The following NCAM1 variants were observed in gnomAD, a reference collection of about 807,000 sequenced individuals.
NCAM1 encodes neural cell adhesion molecule 1.
NCAM1 carries 14 observed loss-of-function variants against 109.8 expected under a neutral mutation model. That is an observed-to-expected ratio of 0.13 (90% CI 0.08 to 0.20). The LOEUF is 0.20. Among genes scored for constraint, NCAM1 ranks in the 10% least tolerant of loss-of-function variants. The pLI is 1.00. For missense variants in NCAM1, 774 were observed against 1,109.9 expected (o/e 0.70, Z 4.30); for synonymous variants, 418 against 442.9 (o/e 0.94, Z 0.70).
chr11:112,984,320 C>G (rs373243452), intron 1 of NCAM1, among the ~76,000 whole-genome samples: 2 of 151,808 alleles, frequency 1.3e-5, no homozygotes, highest in East Asian at 1.9e-4. Flanking sequence ...TTTTCTGTAA[C>G]TTGGCTATTG....
rs1392758189 is a variant in NCAM1, at chr11:112,973,601, G to A, written c.52+11937G>A. On this transcript the variant is annotated intron_variant, in intron 1 of 19. Coordinates refer to ENST00000316851, the MANE Select transcript of NCAM1 (RefSeq NM_181351.5). ...TTGAGCCAGTTATTTAATCTCCAAC[G>A]GTCAGTTTATTTATCTGTGAATCAG... Among the ~76,000 whole-genome samples, 17 of 151,952 alleles carry A rather than the reference G, an allele frequency of 1.1e-4. 1 individual carries two copies. Among genetic ancestry groups the A allele is most frequent in the East Asian group, 7.7e-4 (4 of 5,174 alleles).
At position 112,963,686 on chromosome 11, in the gene NCAM1, G is replaced by GC. The variant is rs1950639219; in HGVS notation, c.52+2027dup. Among the ~76,000 whole-genome samples, 1 of 152,194 alleles carries GC rather than the reference G, an allele frequency of 6.6e-6. No homozygotes were observed. Among genetic ancestry groups the GC allele is most frequent in the Admixed American group, 6.5e-5 (1 of 15,290 alleles). ...AGGGGGGTGTTTTTGAGACATCCTC[G>GC]CCCCCGGGTGGGAGCGTGACAATGG... On this transcript the variant is annotated intron_variant, in intron 1 of 19. Coordinates refer to ENST00000316851, the MANE Select transcript of NCAM1 (RefSeq NM_181351.5). This position sits in a 1 kb window ranked among gnomAD's most constrained non-coding sequence, Gnocchi z 4.6.
At chr11:113,185,068 T>TTTTATATATATATATATATATA (rs1555108651) in intron 1 of NCAM1, among the ~76,000 whole-genome samples, 4 of 99,634 alleles carry the variant, frequency 4.0e-5, no homozygotes, top group African/African-American at 1.7e-4. Flanking sequence ...GCATTTATAT[T>TTTTATATATATATATATATATA]TATATATATA....
At position 113,178,152 on chromosome 11, in the gene NCAM1, C is replaced by A. The variant is rs141432814; in HGVS notation, c.53-24227C>A. On this transcript the variant is annotated intron_variant, in intron 1 of 19. Coordinates refer to ENST00000316851, the MANE Select transcript of NCAM1 (RefSeq NM_181351.5). Reference sequence around the variant, plus strand: ...CAAATTTCCTACTTTCTTCTTTGCCCCATTCTCCGGGTGCTTCCATTTTAG... The same window carrying A: ...CAAATTTCCTACTTTCTTCTTTGCCACATTCTCCGGGTGCTTCCATTTTAG... 2.7e-3 allele frequency among the ~76,000 whole-genome samples: 407 copies of A among 152,212 alleles called. 2 individuals are homozygous for A. The highest frequency in any genetic ancestry group is 4.4e-3 in the Non-Finnish European group (299 of 68,014).
chr11:113,121,220 C>A (rs535030190), intron 1 of NCAM1, among the ~76,000 whole-genome samples: 1 of 73,176 alleles, frequency 1.4e-5, no homozygotes, highest in East Asian at 3.7e-4. Context: ...TCCAACAACA[C>A]CAATCTTTTT....
chr11:113,201,009 T>G (rs1462769071), intron 1 of NCAM1, among the ~76,000 whole-genome samples: 2 of 152,016 alleles, frequency 1.3e-5, no homozygotes, highest in African/African-American at 4.8e-5. Context: ...GTCAGCATCT[T>G]CCCCCTGCCT....
At chr11:113,147,929 G>A (rs1942075716) in intron 1 of NCAM1, among the ~76,000 whole-genome samples, 1 of 152,068 alleles carries the variant, frequency 6.6e-6, no homozygotes, top group Admixed American at 6.6e-5. Context: ...CTGCAAAATG[G>A]GAATAATACA....
intron 17 of NCAM1, 58 bp from the exon 18 acceptor site, chr11:113,270,130 G>A: frequency 1.9e-6 from 3 of 1,556,000 alleles, no homozygotes; most frequent in Non-Finnish European, 2.7e-6. Flanking sequence ...TTGCTGGCAG[G>A]GTCTGGAGGT....
At chr11:113,097,422 T>A (rs1939650295) in intron 1 of NCAM1, among the ~76,000 whole-genome samples, 3 of 152,144 alleles carry the variant, frequency 2.0e-5, no homozygotes, top group Non-Finnish European at 4.4e-5. Flanking sequence ...ATTGAGTAAG[T>A]TTGTTGAGTT....
chr11:113,227,682 A>G (rs1944891682), intron 9 of NCAM1, among the ~76,000 whole-genome samples: 1 of 152,284 alleles, frequency 6.6e-6, no homozygotes, highest in Non-Finnish European at 1.5e-5. Context: ...AAAAATCATC[A>G]ATAAAATACT....
intron 1 of NCAM1, among the ~76,000 whole-genome samples, chr11:112,972,385 A>G (rs1389119301): frequency 6.6e-6 from 1 of 152,154 alleles, no homozygotes; most frequent in African/African-American, 2.4e-5. Flanking sequence ...GTGTTTATGT[A>G]GCACACAGAA....
chr11:113,220,602 CTTTTTTTT>C (rs1175342641), intron 8 of NCAM1, among the ~76,000 whole-genome samples: 1 of 75,582 alleles, frequency 1.3e-5, no homozygotes, highest in Admixed American at 1.7e-4. Context: ...CTCTCTCTCT[CTTTTTTTT>C]TTTTTTTTTT....
At position 113,091,550 on chromosome 11, in the gene NCAM1, C is replaced by T. The variant is rs1555089380; in HGVS notation, c.53-110829C>T. On this transcript the variant is annotated intron_variant, in intron 1 of 19. Coordinates refer to ENST00000316851, the MANE Select transcript of NCAM1 (RefSeq NM_181351.5). ...AAGATGTAGAAAGTAGGTTAGAGGC[C>T]AGAGCTGTATAATAGGTGAAGGGAG... Among the ~76,000 whole-genome samples, 4 of 152,034 alleles carry T rather than the reference C, an allele frequency of 2.6e-5. No individual in the cohort carries two copies. In the South Asian group the frequency reaches 6.2e-4, roughly 24 times the overall value.
chr11:113,014,948 TG>T (rs1952169527), intron 1 of NCAM1, among the ~76,000 whole-genome samples: 1 of 152,160 alleles, frequency 6.6e-6, no homozygotes, highest in Non-Finnish European at 1.5e-5. Flanking sequence ...AGGCTGTGAG[TG>T]GATGTGGCCC....
chr11:113,077,043 C>T (rs1303116138), intron 1 of NCAM1, among the ~76,000 whole-genome samples: 1 of 151,918 alleles, frequency 6.6e-6, no homozygotes, highest in Non-Finnish European at 1.5e-5. Flanking sequence ...ATAAATAATC[C>T]CAAGTCACTC....
intron 1 of NCAM1, among the ~76,000 whole-genome samples, chr11:113,162,212 C>G (rs1555104523): frequency 6.6e-6 from 1 of 152,132 alleles, no homozygotes; most frequent in African/African-American, 2.4e-5. Context: ...GTAATTTAGC[C>G]TTTGCAAACA....
Position 113,231,809 on chromosome 11 carries a change from G to A in NCAM1, c.1240+14G>A. 2 of 1,613,858 alleles carry A rather than the reference G, an allele frequency of 1.2e-6. No individual in the cohort carries two copies. The highest frequency in any genetic ancestry group is 1.7e-6 in the Non-Finnish European group (2 of 1,179,816). ...TTGAAGTGCAATGTAAGGAATAAAT[G>A]GGGAAGGACCTGGGGGAGGGAGGGG... On this transcript the variant is annotated intron_variant, in intron 10 of 19. Coordinates refer to ENST00000316851, the MANE Select transcript of NCAM1 (RefSeq NM_181351.5).
At chr11:113,132,495 T>C (rs1158119454) in intron 1 of NCAM1, among the ~76,000 whole-genome samples, 1 of 152,066 alleles carries the variant, frequency 6.6e-6, no homozygotes, top group African/African-American at 2.4e-5. Flanking sequence ...GTTTCTACAC[T>C]GTATCTTCTC....
intron 1 of NCAM1, among the ~76,000 whole-genome samples, chr11:113,120,861 G>A (rs983011589): frequency 2.0e-5 from 3 of 152,214 alleles, no homozygotes; most frequent in Admixed American, 6.5e-5. Context: ...AGCGAGGGCT[G>A]TAAATGAATG....
Sources: allele counts gnomAD v4.1 joint callset (sites outside exome capture counted in the v4.1 genomes callset), GRCh38; gene constraint gnomAD v4.1.1; non-coding constraint Gnocchi (gnomAD v3.1); transcripts MANE v1.5; gene names NCBI Gene and HGNC (gene_info 2026-07-23, HGNC 2026-07-21).